CGGBP1: variants seen among roughly 807,000 people sequenced by gnomAD.
CGGBP1 encodes CGG triplet repeat-binding protein 1.
Under a neutral mutation model 11.4 loss-of-function variants are expected in CGGBP1, and 4 were observed. The observed-to-expected ratio is 0.35, with a 90% CI of 0.17 to 0.80. The LOEUF (loss-of-function observed/expected upper bound fraction) is 0.80, where lower values mean the gene tolerates loss of function less well. Among genes scored for constraint, CGGBP1 ranks in the 30% least tolerant of loss-of-function variants. The pLI is 0.52. For synonymous variants in CGGBP1, 76 were observed against 74.1 expected, an observed-to-expected ratio of 1.03 and a Z score of -0.13; for missense variants, 135 against 202.1, an observed-to-expected ratio of 0.67 and a Z score of 2.01.
intron 2 of CGGBP1, among the ~76,000 whole-genome samples, chr3:88,122,223 T>C (rs1705811775): frequency 2.0e-5 from 3 of 152,112 alleles, no homozygotes; most frequent in Non-Finnish European, 4.4e-5. Context: ...AGAAATGGCA[T>C]AGGTAAGAAA....
At chr3:88,113,047 GT>G (rs1705189809) in intron 2 of CGGBP1, 2 of 1,122,006 alleles carry the variant, frequency 1.8e-6, no homozygotes, top group Admixed American at 4.6e-5. Flanking sequence ...AGCTGATACT[GT>G]TTGATAATCT....
At chr3:88,078,231 T>A (rs997178431) in intron 2 of CGGBP1, among the ~76,000 whole-genome samples, 12 of 152,200 alleles carry the variant, frequency 7.9e-5, no homozygotes, top group African/African-American at 2.2e-4. Context: ...GTTCATTATC[T>A]TCTATTAAAT....
chr3:88,110,078 A>G (rs1243588484), intron 2 of CGGBP1, among the ~76,000 whole-genome samples: 1 of 152,166 alleles, frequency 6.6e-6, no homozygotes, highest in Non-Finnish European at 1.5e-5. Flanking sequence ...GTGACATGTT[A>G]ATAAATAATG....
chr3:88,137,167 C>G (rs1706841236), intron 2 of CGGBP1, among the ~76,000 whole-genome samples: 1 of 133,368 alleles, frequency 7.5e-6, no homozygotes, highest in Non-Finnish European at 1.5e-5. Flanking sequence ...TCTACTCCAG[C>G]CTGGGTGACA....
intron 2 of CGGBP1, among the ~76,000 whole-genome samples, chr3:88,082,405 G>T (rs544435725): frequency 1.3e-5 from 2 of 152,208 alleles, no homozygotes; most frequent in African/African-American, 4.8e-5. Flanking sequence ...GATTACAGGC[G>T]TGAGCCACCA....
intron 2 of CGGBP1, among the ~76,000 whole-genome samples, chr3:88,065,894 C>T (rs1161577848): frequency 6.6e-5 from 10 of 152,030 alleles, no homozygotes; most frequent in Admixed American, 1.3e-4. Flanking sequence ...CCACCATGCC[C>T]GGCTAAATTT....
intron 2 of CGGBP1, among the ~76,000 whole-genome samples, chr3:88,090,751 T>C (rs1283375924): frequency 6.6e-6 from 1 of 152,184 alleles, no homozygotes; most frequent in Non-Finnish European, 1.5e-5. Context: ...AGCTTTTATC[T>C]TTTACACCAG....
chr3:88,096,066 C>CT (rs1448212040), intron 2 of CGGBP1: 1 of 180,894 alleles, frequency 5.5e-6, no homozygotes, highest in Non-Finnish European at 1.1e-5. Context: ...GCCTCCCCTC[C>CT]TGGGTCTAGG....
At chr3:88,118,804 T>C (rs1705572492) in intron 2 of CGGBP1, among the ~76,000 whole-genome samples, 2 of 152,222 alleles carry the variant, frequency 1.3e-5, no homozygotes, top group Non-Finnish European at 2.9e-5. Context: ...AACTGCACTT[T>C]GACTGTGTGA....
intron 2 of CGGBP1, among the ~76,000 whole-genome samples, chr3:88,130,538 A>G (rs1281010259): frequency 6.6e-6 from 1 of 151,672 alleles, no homozygotes; most frequent in Non-Finnish European, 1.5e-5. Flanking sequence ...TGCAGCCTCA[A>G]CTTCTGGGCT....
intron 2 of CGGBP1, among the ~76,000 whole-genome samples, chr3:88,080,984 C>T (rs1168851870): frequency 6.6e-6 from 1 of 152,190 alleles, no homozygotes; most frequent in Non-Finnish European, 1.5e-5. Context: ...TCCGTGATCT[C>T]ACGTTGTATT....
intron 2 of CGGBP1, among the ~76,000 whole-genome samples, chr3:88,137,185 ACT>A (rs1344583858): frequency 5.8e-5 from 6 of 102,794 alleles, no homozygotes; most frequent in African/African-American, 1.9e-4. Flanking sequence ...ACAGTGCGAG[ACT>A]CTGTCTCAAA....
intron 2 of CGGBP1, among the ~76,000 whole-genome samples, chr3:88,129,222 A>G: frequency 6.6e-6 from 1 of 151,996 alleles, no homozygotes; most frequent in South Asian, 2.1e-4. Flanking sequence ...TGATGAAATC[A>G]ATAAAATATA....
intron 1 of CGGBP1, among the ~76,000 whole-genome samples, chr3:88,145,885 T>C (rs943145378): frequency 6.6e-5 from 10 of 152,190 alleles, no homozygotes; most frequent in Non-Finnish European, 1.2e-4. Context: ...GTTAACCTGA[T>C]TAAAATCATA....
intron 2 of CGGBP1, among the ~76,000 whole-genome samples, chr3:88,130,590 A>G (rs1384501582): frequency 4.7e-5 from 7 of 150,142 alleles, no homozygotes; most frequent in African/African-American, 7.3e-5. Flanking sequence ...AGCTGGGACT[A>G]CAGATGTGTG....
chr3:88,070,589 T>G (rs1707456431), intron 2 of CGGBP1, among the ~76,000 whole-genome samples: 2 of 91,894 alleles, frequency 2.2e-5, no homozygotes, highest in African/African-American at 5.4e-5. Flanking sequence ...TTTTTTTTTT[T>G]GCAGATCATA....
At chr3:88,109,101 A>G (rs1704923981) in intron 2 of CGGBP1, among the ~76,000 whole-genome samples, 1 of 148,686 alleles carries the variant, frequency 6.7e-6, no homozygotes, top group South Asian at 2.2e-4. Flanking sequence ...AGTGGGAGGG[A>G]AGGGGTCTGG....
At chr3:88,104,682 C>T (rs1421388831) in intron 2 of CGGBP1, among the ~76,000 whole-genome samples, 3 of 152,024 alleles carry the variant, frequency 2.0e-5, no homozygotes, top group South Asian at 2.1e-4. Flanking sequence ...CTAGAGTAAC[C>T]GCTAAAAACA....
Position 88,126,870 on chromosome 3 carries a change from A to C in CGGBP1, c.-229+14100T>G, listed in dbSNP as rs115000467. ...CAGTATTTCCCAAACTTCATGCATT[A>C]GAAGTTTTGTCTTATACCCTTACTA... is the stretch of plus-strand genomic sequence containing the variant. On this transcript the variant is annotated intron_variant, in intron 2 of 3. Coordinates refer to the CGGBP1 transcript ENST00000462901. Among the ~76,000 whole-genome samples, 1,367 of 152,314 alleles carry C rather than the reference A, an allele frequency of 9.0e-3. 21 individuals are homozygous for C. The highest frequency in any genetic ancestry group is 0.031 in the African/African-American group (1,300 of 41,572).
Sources: allele counts gnomAD v4.1 joint callset (sites outside exome capture counted in the v4.1 genomes callset), GRCh38; gene constraint gnomAD v4.1.1; transcripts MANE v1.5; gene names NCBI Gene and HGNC (gene_info 2026-07-23, HGNC 2026-07-21).